The following EPM2A variants were observed in gnomAD, a reference collection of about 807,000 sequenced individuals.
EPM2A encodes laforin.
In EPM2A, 21 loss-of-function variants were observed where a neutral mutation model predicts 26.5. That is an observed-to-expected ratio of 0.79 (90% CI 0.56 to 1.14). The LOEUF is 1.14. EPM2A is among the 50% of genes most tolerant of loss of function. The pLI is 0.00. For missense variants in EPM2A, 458 were observed against 440.8 expected (o/e 1.04, Z -0.35); for synonymous variants, 217 against 177.6 (o/e 1.22, Z -1.76).
At chr6:145,502,470 T>G (rs1383900106) in intron 3 of EPM2A, 1 of 467,216 alleles carries the variant, frequency 2.1e-6, no homozygotes, top group Non-Finnish European at 4.4e-6. Context: ...GAAGAAGAGA[T>G]GACAGCCAGC....
chr6:145,461,714 G>A (rs540429075), intron 4 of EPM2A, among the ~76,000 whole-genome samples: 14 of 152,288 alleles, frequency 9.2e-5, no homozygotes, highest in East Asian at 1.9e-4. Context: ...GTGAGTGCAA[G>A]CAAAAATGAA....
chr6:145,581,346 G>A (rs9485007), intron 2 of EPM2A, among the ~76,000 whole-genome samples: 61 of 152,098 alleles, frequency 4.0e-4, no homozygotes, highest in African/African-American at 1.4e-3. Context: ...TAATGGGGTT[G>A]TCTTTTGCTT....
intron 2 of EPM2A, among the ~76,000 whole-genome samples, chr6:145,538,158 T>G (rs1231176700): frequency 6.6e-6 from 1 of 152,196 alleles, no homozygotes; most frequent in Non-Finnish European, 1.5e-5. Flanking sequence ...TTTCTGGTTC[T>G]AGATCCTTGA....
At chr6:145,656,570 T>A (rs1359339315) in intron 2 of EPM2A, among the ~76,000 whole-genome samples, 1 of 152,092 alleles carries the variant, frequency 6.6e-6, no homozygotes. Flanking sequence ...ACAAACAATA[T>A]CTCTACCCTC....
chr6:145,418,355 T>A (rs1778736633), intron 4 of EPM2A, among the ~76,000 whole-genome samples: 1 of 152,180 alleles, frequency 6.6e-6, no homozygotes, highest in Non-Finnish European at 1.5e-5. Flanking sequence ...TTTCCAGGAA[T>A]ATCTCCTCCA....
intron 4 of EPM2A, among the ~76,000 whole-genome samples, chr6:145,396,539 G>C (rs1045639739): frequency 2.0e-5 from 3 of 152,110 alleles, no homozygotes; most frequent in Non-Finnish European, 4.4e-5. Flanking sequence ...AGACAATACT[G>C]TTGGAGACTT....
At chr6:145,533,510 C>T (rs1037410345) in intron 2 of EPM2A, among the ~76,000 whole-genome samples, 10 of 152,186 alleles carry the variant, frequency 6.6e-5, no homozygotes, top group Admixed American at 6.5e-4. Flanking sequence ...AATCCCTATG[C>T]TATCTGGCCC....
At position 145,735,217 on chromosome 6, in the gene EPM2A, TC is replaced by T; in HGVS notation, c.281del (p.Gly94GlufsTer33). On this transcript the variant is annotated frameshift_variant, in exon 1 of 4. Transcript: ENST00000367519. LOFTEE classifies it high-confidence loss of function. ...CAATACCTTCCCAGGAGAGCTCTCC[TC>T]CCGGCTCCCGCTTCAGGAACTTGTA... ...FWYKFLKREP[G>X]GELSWEGNGP... 6.5e-7 allele frequency: 1 copy of T among 1,530,216 alleles called. No homozygotes were observed. 94.8% of individuals were successfully genotyped at this position (1,530,216 alleles called of 1,614,324 possible). A position where few individuals can be genotyped will look rare whatever the true frequency, so the allele number is the denominator to read the frequency against.
chr6:145,630,192 A>C (rs889457336), intron 3 of EPM2A: 1 of 152,242 alleles, frequency 6.6e-6, no homozygotes, highest in African/African-American at 2.4e-5. Context: ...AGAAGCTCCC[A>C]AGGCTCCCAG....
At chr6:145,399,405 T>G (rs1778451396) in intron 4 of EPM2A, among the ~76,000 whole-genome samples, 1 of 152,198 alleles carries the variant, frequency 6.6e-6, no homozygotes, top group Non-Finnish European at 1.5e-5. Flanking sequence ...AAAGTTTATT[T>G]TTCCATCATC....
chr6:145,437,429 T>C (rs183160548), intron 4 of EPM2A, among the ~76,000 whole-genome samples: 1 of 152,304 alleles, frequency 6.6e-6, no homozygotes, highest in East Asian at 1.9e-4. Flanking sequence ...ATACAGCATG[T>C]ATTTTCCCCA....
At chr6:145,426,788 C>T (rs1030561446) in intron 4 of EPM2A, among the ~76,000 whole-genome samples, 2 of 152,002 alleles carry the variant, frequency 1.3e-5, no homozygotes, top group East Asian at 3.8e-4. Context: ...TTTTAAGGTA[C>T]ACTTGTATTT....
chr6:145,527,152 T>A lies in EPM2A; in HGVS notation c.341-24577A>T, dbSNP rs537257679. Among the ~76,000 whole-genome samples the A allele has an allele frequency of 2.0e-5, 3 of 152,244 alleles. No homozygotes were observed. The South Asian group carries it at 6.2e-4, about 32-fold the overall frequency. On this transcript the variant is annotated intron_variant, in intron 2 of 3. Coordinates refer to the EPM2A transcript ENST00000450221. ...ATTCCACTGTGTTCTGAGAATATAT[T>A]TGGTATCATTTTGATTTTTAAAAAA...
intron 2 of EPM2A, among the ~76,000 whole-genome samples, chr6:145,538,370 C>A (rs1270327301): frequency 1.3e-5 from 2 of 152,138 alleles, no homozygotes; most frequent in Non-Finnish European, 2.9e-5. Context: ...AATCAACATG[C>A]CTGAGCAAAT....
chr6:145,427,676 T>A (rs1344453415), intron 4 of EPM2A, among the ~76,000 whole-genome samples: 2 of 152,172 alleles, frequency 1.3e-5, no homozygotes, highest in African/African-American at 4.8e-5. Context: ...ACTATTCAAT[T>A]AGCACAAGAA....
At chr6:145,387,264 T>G (rs1370046315) in intron 4 of EPM2A, among the ~76,000 whole-genome samples, 3 of 152,170 alleles carry the variant, frequency 2.0e-5, no homozygotes, top group Admixed American at 6.6e-5. Context: ...GACAAAGACC[T>G]TCCCTCCAAC....
Position 145,735,233 on chromosome 6 carries a change from A to G in EPM2A, c.266T>C (p.Leu89Pro). The change falls in exon 1 of 4, where the codon CTG becomes CCG. Residue 89 changes from leucine to proline, a missense_variant. By Grantham distance (98) the Leu-to-Pro change is moderately conservative. Transcript: ENST00000367519. ...GRVDTFWYKF[L>P]KREPGGELSW... ...GAGCTCTCCTCCCGGCTCCCGCTTC[A>G]GGAACTTGTACCAGAACGTGTCCAC... is the stretch of plus-strand genomic sequence containing the variant. The G allele has an allele frequency of 1.3e-6, 2 of 1,539,932 alleles. No individual in the cohort carries two copies. Among genetic ancestry groups the G allele is most frequent in the Non-Finnish European group, 1.8e-6 (2 of 1,142,502 alleles).
intron 4 of EPM2A, among the ~76,000 whole-genome samples, chr6:145,397,043 C>A (rs923214553): frequency 6.6e-6 from 1 of 152,184 alleles, no homozygotes; most frequent in Admixed American, 6.5e-5. Context: ...GCAAAAATCA[C>A]AAAAACATTT....
intron 4 of EPM2A, among the ~76,000 whole-genome samples, chr6:145,417,707 A>C (rs919936443): frequency 3.9e-5 from 6 of 152,160 alleles, no homozygotes; most frequent in Non-Finnish European, 7.4e-5. Flanking sequence ...AGACTTTTCT[A>C]GTATGCTACC....
Sources: gnomAD v4.1 joint callset for allele counts (sites outside exome capture counted in the v4.1 genomes callset) on GRCh38, gnomAD v4.1.1 for gene constraint, MANE v1.5 for transcripts, NCBI Gene and HGNC (gene_info 2026-07-23, HGNC 2026-07-21) for gene names.